The following PPFIBP1 variants were observed in gnomAD, a reference collection of about 807,000 sequenced individuals.
PPFIBP1 encodes the protein PPFIB scaffold protein 1, also known as liprin-beta-1.
In PPFIBP1, 112 loss-of-function variants were observed where a neutral mutation model predicts 137.8. That is an observed-to-expected ratio of 0.81 (90% CI 0.70 to 0.95). The LOEUF (loss-of-function observed/expected upper bound fraction) is 0.95. Among genes scored for constraint, PPFIBP1 ranks in the 40% least tolerant of loss-of-function variants. The pLI is 0.00. For missense variants in PPFIBP1, 1,083 were observed against 1,196.6 expected (o/e 0.91, Z 1.40); for synonymous variants, 378 against 417.3 (o/e 0.91, Z 1.15).
intron 2 of PPFIBP1, among the ~76,000 whole-genome samples, chr12:27,603,192 G>T (rs1256950929): frequency 1.3e-5 from 2 of 152,178 alleles, no homozygotes. Context: ...TACCAGTTGA[G>T]TGCCTATCAG....
intron 1 of PPFIBP1, among the ~76,000 whole-genome samples, chr12:27,549,806 C>T (rs2136174371): frequency 6.6e-6 from 1 of 152,348 alleles, no homozygotes; most frequent in Non-Finnish European, 1.5e-5. Context: ...GCCCTCTCCC[C>T]TTCTTTGGCC....
chr12:27,537,025 T>A (rs1294974080), intron 1 of PPFIBP1, among the ~76,000 whole-genome samples: 1 of 152,206 alleles, frequency 6.6e-6, no homozygotes, highest in African/African-American at 2.4e-5. Context: ...AATAATTTTT[T>A]AATCACTCTT....
intron 11 of PPFIBP1, among the ~76,000 whole-genome samples, chr12:27,662,480 A>G (rs920704456): frequency 1.7e-4 from 26 of 152,234 alleles, no homozygotes; most frequent in African/African-American, 6.3e-4. Context: ...GTCAGTTAAA[A>G]TAGGTGAGAA....
In PPFIBP1 at chr12:27,676,944, T is replaced by C. The variant is rs759540754; in HGVS notation, c.1583-120T>C. Reference sequence around the variant, plus strand: ...AACATCAGAAGCACTGTGTGCCGCATGCCTCTCCTCCACGGTGTGTATTTG... The same window carrying C: ...AACATCAGAAGCACTGTGTGCCGCACGCCTCTCCTCCACGGTGTGTATTTG... On this transcript the variant is annotated intron_variant, in intron 18 of 29. Transcript: ENST00000228425. 1.9e-5 allele frequency: 24 copies of C among 1,288,542 alleles called. No individual in the cohort carries two copies. The East Asian group carries it at 5.6e-4, about 30-fold the overall frequency. The allele number at this position is 1,288,542 out of a possible 1,614,324, so 79.8% of individuals were successfully genotyped here.
chr12:27,686,682 G>T (rs1222724594), intron 24 of PPFIBP1, among the ~76,000 whole-genome samples: 1 of 152,110 alleles, frequency 6.6e-6, no homozygotes, highest in Non-Finnish European at 1.5e-5. Context: ...TAAGGTCAGG[G>T]AATAGTATAA....
chr12:27,658,737 C>G, intron 9 of PPFIBP1, 79 bp from the exon 10 acceptor site: 2 of 1,433,520 alleles, frequency 1.4e-6, no homozygotes, highest in Non-Finnish European at 1.9e-6. Context: ...TAAAAAGAGA[C>G]TAAATAGTAG....
In PPFIBP1 at chr12:27,547,740, A is replaced by C. The variant is rs1321029179; in HGVS notation, c.-124+23375A>C. 1.3e-5 allele frequency: 2 copies of C among 152,234 alleles called. 1 individual carries two copies. The highest frequency in any genetic ancestry group is 4.8e-5 in the African/African-American group (2 of 41,438). 9.4% of individuals were successfully genotyped at this position (152,234 alleles called of 1,614,324 possible). A position where few individuals can be genotyped will look rare whatever the true frequency, so the allele number is the denominator to read the frequency against. On this transcript the variant is annotated intron_variant, in intron 1 of 29. Coordinates refer to ENST00000228425, the MANE Select transcript of PPFIBP1 (RefSeq NM_003622.4). ...TGTCCCCATTTGAGCAAGGGGCTGGACTTTTGTTTGCCTACATCAGCTAAT... is the reference window on the plus strand; with the variant it reads ...TGTCCCCATTTGAGCAAGGGGCTGGCCTTTTGTTTGCCTACATCAGCTAAT...
At chr12:27,631,704 A>G (rs2057283174) in intron 2 of PPFIBP1, among the ~76,000 whole-genome samples, 1 of 152,136 alleles carries the variant, frequency 6.6e-6, no homozygotes, top group Non-Finnish European at 1.5e-5. Context: ...AAGGCTCATT[A>G]AATAGAACAG....
At chr12:27,600,418 A>G (rs2053842673) in intron 2 of PPFIBP1, among the ~76,000 whole-genome samples, 1 of 151,448 alleles carries the variant, frequency 6.6e-6, no homozygotes. Flanking sequence ...CCTGGGCAAC[A>G]AGAGCGAAAC....
intron 2 of PPFIBP1, chr12:27,608,900 G>A (rs1390143605): frequency 5.0e-6 from 1 of 199,178 alleles, no homozygotes; most frequent in Non-Finnish European, 1.1e-5. Flanking sequence ...GTTTTGTTTT[G>A]TTTTGTCTGA....
intron 2 of PPFIBP1, among the ~76,000 whole-genome samples, chr12:27,620,629 C>G (rs1251596507): frequency 1.3e-5 from 2 of 152,098 alleles, no homozygotes; most frequent in African/African-American, 4.8e-5. Flanking sequence ...GCCAGACTGT[C>G]TGACTTCACA....
chr12:27,571,379 G>T (rs188307823), intron 1 of PPFIBP1, among the ~76,000 whole-genome samples: 2 of 152,226 alleles, frequency 1.3e-5, no homozygotes, highest in East Asian at 3.9e-4. Flanking sequence ...GATGAGCATT[G>T]TCAATTGCCA....
chr12:27,562,441 C>A (rs539263743), intron 1 of PPFIBP1, among the ~76,000 whole-genome samples: 1 of 152,146 alleles, frequency 6.6e-6, no homozygotes, highest in African/African-American at 2.4e-5. Context: ...AGATTTTTGA[C>A]AGTATAAATT....
At chr12:27,603,516 T>C (rs770422183) in intron 2 of PPFIBP1, among the ~76,000 whole-genome samples, 2 of 152,200 alleles carry the variant, frequency 1.3e-5, no homozygotes, top group Non-Finnish European at 2.9e-5. Flanking sequence ...TACTTGGATT[T>C]ATGTGATTAT....
intron 2 of PPFIBP1, among the ~76,000 whole-genome samples, chr12:27,591,290 AAGG>A (rs1175410863): frequency 6.6e-6 from 1 of 152,062 alleles, no homozygotes; most frequent in Non-Finnish European, 1.5e-5. Context: ...CCAGCAGAAG[AAGG>A]AGGACGTTGA....
intron 23 of PPFIBP1, 27 bp from the exon 24 acceptor site, chr12:27,682,588 G>A: frequency 6.2e-7 from 1 of 1,613,056 alleles, no homozygotes; most frequent in Non-Finnish European, 8.5e-7. Flanking sequence ...TTGTGGCATG[G>A]TAGCAACACT....
intron 2 of PPFIBP1, among the ~76,000 whole-genome samples, chr12:27,595,264 G>A (rs1411534621): frequency 2.0e-5 from 3 of 152,202 alleles, no homozygotes; most frequent in African/African-American, 7.2e-5. Flanking sequence ...ACACACACGC[G>A]CATACACACA....
intron 1 of PPFIBP1, among the ~76,000 whole-genome samples, chr12:27,560,621 T>C (rs1270663892): frequency 6.6e-6 from 1 of 152,206 alleles, no homozygotes; most frequent in East Asian, 1.9e-4. Flanking sequence ...CTCAGTACTG[T>C]GTGAGTGAGT....
rs192339122 is a variant in PPFIBP1, at chr12:27,580,393, C to T, written c.-36+2154C>T. On this transcript the variant is annotated intron_variant, in intron 2 of 29. Coordinates refer to ENST00000228425, the MANE Select transcript of PPFIBP1 (RefSeq NM_003622.4). ...TTCTGCATTCAGATCACAATTCCAC[C>T]ACTTTGTCTCGTGACCTTTCTGGAT... Among the ~76,000 whole-genome samples the T allele has an allele frequency of 2.7e-3, 406 of 152,278 alleles. 1 individual carries two copies. The highest frequency in any genetic ancestry group is 9.0e-3 in the African/African-American group (374 of 41,558).
Sources: allele counts gnomAD v4.1 joint callset (sites outside exome capture counted in the v4.1 genomes callset), GRCh38; gene constraint gnomAD v4.1.1; transcripts MANE v1.5; gene names NCBI Gene and HGNC (gene_info 2026-07-23, HGNC 2026-07-21).